The following PTPRG variants were observed in gnomAD, a reference collection of about 807,000 sequenced individuals.
PTPRG encodes protein tyrosine phosphatase receptor type G.
In PTPRG, 102 loss-of-function variants were observed where a neutral mutation model predicts 165.3. The ratio of observed to expected loss-of-function variants is 0.62; its 90% confidence interval spans 0.53 to 0.73. The LOEUF (loss-of-function observed/expected upper bound fraction) is 0.73. PTPRG is among the 30% of genes least tolerant of loss of function. PTPRG has a pLI of 0.00. For missense variants in PTPRG, 1,866 were observed against 1,861.4 expected, an observed-to-expected ratio of 1.00 and a Z score of -0.05; for synonymous variants, 675 against 669.5, an observed-to-expected ratio of 1.01 and a Z score of -0.13.
chr3:61,707,362 G>T (rs1223680504), intron 1 of PTPRG, among the ~76,000 whole-genome samples: 2 of 152,220 alleles, frequency 1.3e-5, no homozygotes, highest in African/African-American at 4.8e-5. Flanking sequence ...GGGGTGACAA[G>T]TTCCAAGATC....
intron 14 of PTPRG, among the ~76,000 whole-genome samples, chr3:62,231,821 TG>T (rs1270107343): frequency 4.4e-4 from 66 of 151,722 alleles, no homozygotes; most frequent in African/African-American, 1.4e-3. Flanking sequence ...ATGGTGAAGT[TG>T]TTTTTTTTTT....
intron 4 of PTPRG, among the ~76,000 whole-genome samples, chr3:62,038,074 G>A (rs958682454): frequency 2.6e-5 from 4 of 152,148 alleles, no homozygotes; most frequent in African/African-American, 9.7e-5. Flanking sequence ...GCTGGTTCAT[G>A]TCCCAGCTCT....
chr3:61,894,212 G>T (rs971307047), intron 2 of PTPRG, among the ~76,000 whole-genome samples: 1 of 142,768 alleles, frequency 7.0e-6, no homozygotes, highest in African/African-American at 2.5e-5. Context: ...TGAGGCGAAA[G>T]AATTGCTTGA....
At chr3:61,934,823 T>G (rs1216701762) in intron 2 of PTPRG, among the ~76,000 whole-genome samples, 1 of 152,192 alleles carries the variant, frequency 6.6e-6, no homozygotes, top group African/African-American at 2.4e-5. Flanking sequence ...TTTGTTGAAA[T>G]AAATTGACAT....
chr3:61,812,047 G>A (rs929879881), intron 2 of PTPRG, among the ~76,000 whole-genome samples: 1 of 152,174 alleles, frequency 6.6e-6, no homozygotes, highest in African/African-American at 2.4e-5. Flanking sequence ...ATAGTGGGGA[G>A]CACCATGAGT....
At chr3:61,640,068 A>T (rs1702020708) in intron 1 of PTPRG, among the ~76,000 whole-genome samples, 1 of 152,182 alleles carries the variant, frequency 6.6e-6, no homozygotes, top group African/African-American at 2.4e-5. Context: ...GTTTCTCTTT[A>T]ACTGGGTTTG....
intron 2 of PTPRG, among the ~76,000 whole-genome samples, chr3:61,917,066 G>T (rs1339869544): frequency 6.6e-6 from 1 of 152,122 alleles, no homozygotes; most frequent in Non-Finnish European, 1.5e-5. Context: ...TACGGAATCA[G>T]CTCTACTGGC....
intron 1 of PTPRG, among the ~76,000 whole-genome samples, chr3:61,728,874 CAAAAAAAAAA>C (rs3032404): frequency 9.7e-6 from 1 of 102,996 alleles, no homozygotes; most frequent in South Asian, 3.2e-4. Context: ...TAATCTGTAC[CAAAAAAAAAA>C]AAAAAAAAGA....
chr3:61,593,309 C>T (rs995013849), intron 1 of PTPRG, among the ~76,000 whole-genome samples: 2 of 151,892 alleles, frequency 1.3e-5, no homozygotes, highest in Admixed American at 1.3e-4. Context: ...AGAGGCCCCA[C>T]CATGATGAAT....
At chr3:61,678,459 T>C (rs1290353888) in intron 1 of PTPRG, among the ~76,000 whole-genome samples, 1 of 152,138 alleles carries the variant, frequency 6.6e-6, no homozygotes, top group Non-Finnish European at 1.5e-5. Flanking sequence ...GGGGCTGGAA[T>C]TGACGGGAAC....
rs563545500 is a variant in PTPRG at position 61,788,751 on chromosome 3, A to C, written c.190+39769A>C. On this transcript the variant is annotated intron_variant, in intron 2 of 29. Coordinates refer to ENST00000474889, the MANE Select transcript of PTPRG (RefSeq NM_002841.4). ...TTGTGAGTTGTATAGTTTTCGTTGTAGCTGTTCAGCTCTGCTACATGAAAG... is the reference window on the plus strand; with the variant it reads ...TTGTGAGTTGTATAGTTTTCGTTGTCGCTGTTCAGCTCTGCTACATGAAAG... Among the ~76,000 whole-genome samples, 11 of 152,346 alleles carry C rather than the reference A, an allele frequency of 7.2e-5. No individual in the cohort carries two copies. The South Asian group carries it at 1.7e-3, about 23-fold the overall frequency.
At chr3:61,623,433 C>T (rs1481749908) in intron 1 of PTPRG, among the ~76,000 whole-genome samples, 1 of 152,082 alleles carries the variant, frequency 6.6e-6, no homozygotes, top group Non-Finnish European at 1.5e-5. Context: ...ACAACTAGGC[C>T]TTGCTTTCTT....
At chr3:62,230,164 A>G (rs921542208) in intron 13 of PTPRG, among the ~76,000 whole-genome samples, 6 of 152,340 alleles carry the variant, frequency 3.9e-5, no homozygotes, top group Admixed American at 6.5e-5. Flanking sequence ...GACTTCTCCA[A>G]GTTTTGGTTC....
At chr3:61,728,884 AAAAAAAAAG>A (rs1195156625) in intron 1 of PTPRG, among the ~76,000 whole-genome samples, 2 of 151,322 alleles carry the variant, frequency 1.3e-5, no homozygotes, top group African/African-American at 4.8e-5. Context: ...CAAAAAAAAA[AAAAAAAAAG>A]AAAGAAAGAA....
intron 5 of PTPRG, among the ~76,000 whole-genome samples, chr3:62,092,635 T>A: frequency 6.6e-6 from 1 of 151,586 alleles, no homozygotes; most frequent in Non-Finnish European, 1.5e-5. Context: ...TTCAGTCAAG[T>A]ACACTTAACC....
intron 2 of PTPRG, among the ~76,000 whole-genome samples, chr3:61,876,030 A>G (rs1205750418): frequency 4.6e-5 from 7 of 152,230 alleles, no homozygotes; most frequent in Non-Finnish European, 1.0e-4. Flanking sequence ...CACATTACAA[A>G]TAAAGCCTTC....
At chr3:62,037,948 G>T (rs79006034) in intron 4 of PTPRG, among the ~76,000 whole-genome samples, 2 of 152,058 alleles carry the variant, frequency 1.3e-5, no homozygotes, top group Non-Finnish European at 2.9e-5. Flanking sequence ...CTGAGAAGTA[G>T]GGCTTCAATC....
chr3:62,035,428 A>G (rs1194972030), intron 4 of PTPRG, among the ~76,000 whole-genome samples: 1 of 151,928 alleles, frequency 6.6e-6, no homozygotes, highest in Non-Finnish European at 1.5e-5. Context: ...AGTTCTAACA[A>G]TAATGCATTA....
At chr3:62,193,781 A>G (rs1033841199) in intron 9 of PTPRG, among the ~76,000 whole-genome samples, 3 of 152,234 alleles carry the variant, frequency 2.0e-5, no homozygotes, top group African/African-American at 7.2e-5. Context: ...GAGGTTTTCA[A>G]TAGCTGCGTT....
Sources: allele counts gnomAD v4.1 joint callset (sites outside exome capture counted in the v4.1 genomes callset), GRCh38; gene constraint gnomAD v4.1.1; transcripts MANE v1.5; gene names NCBI Gene and HGNC (gene_info 2026-07-23, HGNC 2026-07-21).